Variants in KCNMA1 observed in about 807,000 individuals in gnomAD.
KCNMA1 encodes the protein Calcium-activated potassium channel subunit alpha-1.
KCNMA1 carries 29 observed loss-of-function variants against 140.0 expected under a neutral mutation model. The observed-to-expected ratio is 0.21, with a 90% CI of 0.15 to 0.28. KCNMA1 has a LOEUF of 0.28. KCNMA1 is among the 10% of genes least tolerant of loss of function. The pLI, the probability that KCNMA1 is intolerant of heterozygous loss-of-function variation, is 1.00. For missense variants in KCNMA1, 880 were observed against 1,602.2 expected, an observed-to-expected ratio of 0.55 and a Z score of 7.70; for synonymous variants, 612 against 611.9, an observed-to-expected ratio of 1.00 and a Z score of 0.00.
intron 1 of KCNMA1, among the ~76,000 whole-genome samples, chr10:77,422,335 C>T (rs1341162623): frequency 6.6e-6 from 1 of 152,168 alleles, no homozygotes; most frequent in Non-Finnish European, 1.5e-5. Context: ...AATTTACATG[C>T]CTTACATGTT....
At chr10:77,110,646 G>C (rs1391585450) in intron 7 of KCNMA1, among the ~76,000 whole-genome samples, 2 of 152,212 alleles carry the variant, frequency 1.3e-5, no homozygotes, top group African/African-American at 2.4e-5. Context: ...TGGGAAGCCA[G>C]CTAAAATTCA....
intron 19 of KCNMA1, among the ~76,000 whole-genome samples, chr10:76,997,904 A>G (rs1223206331): frequency 6.6e-6 from 1 of 152,216 alleles, no homozygotes; most frequent in Admixed American, 6.5e-5. Context: ...CTAGCCTACC[A>G]TATTGAACAT....
downstream of KCNMA1, chr10:76,874,060 C>T (rs199513390): frequency 8.1e-6 from 1 of 123,292 alleles, no homozygotes; most frequent in African/African-American, 2.8e-5. Flanking sequence ...GGGCCTTGAA[C>T]CAAAAAAAAA....
intron 1 of KCNMA1, among the ~76,000 whole-genome samples, chr10:77,438,404 A>G (rs1006482701): frequency 6.6e-6 from 1 of 151,902 alleles, no homozygotes; most frequent in Non-Finnish European, 1.5e-5. Context: ...TCTCTACTAA[A>G]AATACAAAAT....
At chr10:77,634,765 A>C (rs1217560606) in intron 1 of KCNMA1, 1 of 310,664 alleles carries the variant, frequency 3.2e-6, no homozygotes, top group African/African-American at 2.7e-5. Flanking sequence ...TGGAAAGAAA[A>C]AAGAAAAAAA....
chr10:77,202,666 T>C (rs1193716262), intron 3 of KCNMA1, among the ~76,000 whole-genome samples: 1 of 152,184 alleles, frequency 6.6e-6, no homozygotes, highest in Non-Finnish European at 1.5e-5. Context: ...CAAGAATGAA[T>C]GTCTAATTGG....
At chr10:77,628,375 G>A (rs751812517) in intron 1 of KCNMA1, among the ~76,000 whole-genome samples, 1 of 152,146 alleles carries the variant, frequency 6.6e-6, no homozygotes, top group Non-Finnish European at 1.5e-5. Context: ...CTAAAATCTC[G>A]CCGGGCGCGG....
At chr10:77,188,977 C>T (rs190840449) in intron 3 of KCNMA1, among the ~76,000 whole-genome samples, 2 of 152,204 alleles carry the variant, frequency 1.3e-5, no homozygotes, top group Admixed American at 1.3e-4. Context: ...TCTGTTTTCC[C>T]ACCTCCCTGA....
intron 1 of KCNMA1, among the ~76,000 whole-genome samples, chr10:77,433,153 T>C (rs1484836851): frequency 2.6e-5 from 4 of 152,242 alleles, no homozygotes; most frequent in African/African-American, 9.6e-5. Flanking sequence ...AGAAACTATT[T>C]ATTTTTATTT....
chr10:77,167,183 T>TC (rs1182009411), intron 5 of KCNMA1, among the ~76,000 whole-genome samples: 3 of 140,720 alleles, frequency 2.1e-5, no homozygotes, highest in Non-Finnish European at 3.3e-5. Flanking sequence ...CTTCATGAGA[T>TC]CCCCTTTTTT....
chr10:77,346,874 T>A (rs1198511038), intron 2 of KCNMA1, among the ~76,000 whole-genome samples: 1 of 152,184 alleles, frequency 6.6e-6, no homozygotes, highest in Non-Finnish European at 1.5e-5. Context: ...GACAGCCCTG[T>A]CCAGCATAAA....
chr10:77,282,348 A>G (rs1364949816), intron 2 of KCNMA1, among the ~76,000 whole-genome samples: 1 of 152,122 alleles, frequency 6.6e-6, no homozygotes, highest in Admixed American at 6.5e-5. Context: ...CACCACGTGG[A>G]CTTTGCAAAT....
At chr10:77,570,126 T>C (rs975255298) in intron 1 of KCNMA1, among the ~76,000 whole-genome samples, 9 of 151,770 alleles carry the variant, frequency 5.9e-5, no homozygotes, top group Middle Eastern at 3.4e-3. Flanking sequence ...GGAACACTTT[T>C]ACACTGTTGG....
intron 1 of KCNMA1, among the ~76,000 whole-genome samples, chr10:77,596,077 T>C (rs1238752568): frequency 6.6e-6 from 1 of 152,030 alleles, no homozygotes; most frequent in Non-Finnish European, 1.5e-5. Context: ...GAAAGACAAT[T>C]CACAAACATA....
intron 1 of KCNMA1, chr10:77,635,475 C>T (rs2093645177): frequency 6.6e-6 from 1 of 152,174 alleles, no homozygotes; most frequent in African/African-American, 2.4e-5. Context: ...AGCTATCTTT[C>T]CCCTAAAGAC....
chr10:77,142,200 T>C (rs1270503626), intron 5 of KCNMA1, among the ~76,000 whole-genome samples: 1 of 151,624 alleles, frequency 6.6e-6, no homozygotes, highest in African/African-American at 2.4e-5. Flanking sequence ...ACCCTGTCTC[T>C]ACTAAAAAAT....
intron 1 of KCNMA1, among the ~76,000 whole-genome samples, chr10:77,482,064 TA>T (rs2098404616): frequency 6.6e-6 from 1 of 152,250 alleles, no homozygotes; most frequent in African/African-American, 2.4e-5. Context: ...CCTTCAATTT[TA>T]TTTAATCAAA....
chr10:77,579,441 T>C (rs1171800814), intron 1 of KCNMA1, among the ~76,000 whole-genome samples: 1 of 152,190 alleles, frequency 6.6e-6, no homozygotes, highest in South Asian at 2.1e-4. Flanking sequence ...AAAAGATACA[T>C]CAGTGAATGC....
chr10:77,274,967 G>T (rs547382985), intron 2 of KCNMA1, among the ~76,000 whole-genome samples: 1 of 152,210 alleles, frequency 6.6e-6, no homozygotes, highest in African/African-American at 2.4e-5. Flanking sequence ...CATTCGGGCA[G>T]ATTGCCTCCT....
Sources: allele counts gnomAD v4.1 joint callset (sites outside exome capture counted in the v4.1 genomes callset), GRCh38; gene constraint gnomAD v4.1.1; transcripts MANE v1.5; gene names NCBI Gene and HGNC (gene_info 2026-07-23, HGNC 2026-07-21).